The following ARHGAP35 variants were observed in gnomAD, a reference collection of about 807,000 sequenced individuals.
The protein encoded by ARHGAP35 is Rho GTPase activating protein 35, also known as rho GTPase-activating protein 35.
In ARHGAP35, 15 loss-of-function variants were observed where a neutral mutation model predicts 111.1. The ratio of observed to expected loss-of-function variants is 0.13; its 90% CI spans 0.09 to 0.21. ARHGAP35 has a LOEUF of 0.21. Ranked by LOEUF, ARHGAP35 falls within the 10% of genes least tolerant of loss-of-function variation. The pLI, the probability that ARHGAP35 is intolerant of heterozygous loss-of-function variation, is 1.00. For synonymous variants in ARHGAP35, 643 were observed against 710.3 expected (o/e 0.91, Z 1.51); for missense variants, 1,262 against 1,873.0 (o/e 0.67, Z 6.02).
chr19:46,929,059 C>T lies in ARHGAP35; in HGVS notation c.3681+6703C>T, dbSNP rs117007068. Among the ~76,000 whole-genome samples the T allele has an allele frequency of 3.4e-4, 52 of 152,098 alleles. No individual in the cohort carries two copies. The East Asian group carries it at 7.1e-3, about 21-fold the overall frequency. On this transcript the variant is annotated intron_variant, in intron 2 of 6. Transcript: ENST00000672722. ...GACTTTGTGGTCCTTCCTGTTCATC[C>T]GTAAATAAAGATGCTCCAAGATGGT...
intron 3 of ARHGAP35, chr19:46,949,170 A>G (rs1344605854): frequency 6.6e-6 from 1 of 152,206 alleles, no homozygotes; most frequent in Non-Finnish European, 1.5e-5. Context: ...AAAAAAAAAA[A>G]AATTATCAGA....
chr19:46,942,815 C>CAAAAAAAAAA, intron 3 of ARHGAP35, among the ~76,000 whole-genome samples: 1 of 42,290 alleles, frequency 2.4e-5, no homozygotes, highest in Non-Finnish European at 4.5e-5. Context: ...GACCCTGTCT[C>CAAAAAAAAAA]AGAAAAAAAA....
intron 1 of ARHGAP35, among the ~76,000 whole-genome samples, chr19:46,864,127 C>T (rs181034070): frequency 7.0e-4 from 107 of 152,294 alleles, no homozygotes; most frequent in African/African-American, 2.5e-3. Context: ...TTTGAGTGAC[C>T]TGATTGGGTA....
In ARHGAP35 at chr19:47,001,311, T is replaced by C. The variant is rs2056747344; in HGVS notation, c.*623T>C. ...ACCCAGAGAGTGTGGGACTCCCCGC[T>C]TCATCCCCACCGTCCCACTCCACAG... is the stretch of plus-strand genomic sequence containing the variant. On this transcript the variant is annotated 3_prime_UTR_variant, in exon 7 of 7. Coordinates refer to ENST00000672722, the MANE Select transcript of ARHGAP35 (RefSeq NM_004491.5). This position sits in a 1 kb window ranked among gnomAD's most constrained non-coding sequence, Gnocchi z 5.4. 1 of 1,290,256 alleles carries C rather than the reference T, an allele frequency of 7.8e-7. No individual in the cohort carries two copies. The highest frequency in any genetic ancestry group is 1.5e-5 in the African/African-American group (1 of 65,958). 79.9% of individuals were successfully genotyped at this position (1,290,256 alleles called of 1,614,324 possible).
chr19:46,894,480 C>G (rs539500923), intron 1 of ARHGAP35, among the ~76,000 whole-genome samples: 1 of 128,948 alleles, frequency 7.8e-6, no homozygotes, highest in Non-Finnish European at 1.6e-5. Context: ...CGGAGTCGCT[C>G]TGTTGCCCAG....
At chr19:46,897,475 A>T (rs1599805354) in intron 1 of ARHGAP35, among the ~76,000 whole-genome samples, 1 of 148,610 alleles carries the variant, frequency 6.7e-6, no homozygotes. Flanking sequence ...GACCTCCAAC[A>T]CTTTCTATTT....
chr19:46,888,293 TATATATATATATATATATATATATAA>T (rs1452808018), intron 1 of ARHGAP35, among the ~76,000 whole-genome samples: 1 of 62,720 alleles, frequency 1.6e-5, no homozygotes, highest in South Asian at 4.3e-4. Context: ...TATATATATA[TATATATATATATATATATATATATAA>T]AATATTGATT....
chr19:46,989,383 C>A lies in ARHGAP35; in HGVS notation c.3905-161C>A. On this transcript the variant is annotated intron_variant, in intron 4 of 6. Coordinates refer to ENST00000672722, the MANE Select transcript of ARHGAP35 (RefSeq NM_004491.5). This position sits in a 1 kb window ranked among gnomAD's most constrained non-coding sequence, Gnocchi z 5.3. ...GCCAGCCCATGCCTGAACCTCAGAA[C>A]TCGCGTTAGCGCTCACAAGTCCCAC... The A allele has an allele frequency of 1.1e-6, 1 of 871,870 alleles. No individual in the cohort carries two copies. Among genetic ancestry groups the A allele is most frequent in the Non-Finnish European group, 1.7e-6 (1 of 585,724 alleles). The allele number at this position is 871,870 out of a possible 1,614,324, so 54.0% of individuals were successfully genotyped here. A position where few individuals can be genotyped will look rare whatever the true frequency, so the allele number is the denominator to read the frequency against.
chr19:46,879,611 T>TAAATAAATAAATAAATAA (rs941223041), intron 1 of ARHGAP35, among the ~76,000 whole-genome samples: 5 of 77,764 alleles, frequency 6.4e-5, no homozygotes, highest in Non-Finnish European at 8.7e-5. Flanking sequence ...AATAAATAAA[T>TAAATAAATAAATAAATAA]AAATAAAAAT....
At chr19:46,867,510 A>T (rs886114430) in intron 1 of ARHGAP35, among the ~76,000 whole-genome samples, 39 of 152,128 alleles carry the variant, frequency 2.6e-4, no homozygotes, top group Non-Finnish European at 5.1e-4. Context: ...AATCATTTTC[A>T]TTTCTCTGGA....
In ARHGAP35 at chr19:46,993,361, G is replaced by A. The variant is rs2056689608; in HGVS notation, c.4036+3686G>A. ...CAGCAGGGACTTTCCTCCAGGCACC[G>A]AGCTGGCAGCAGCAGACCCAGGCCT... is the stretch of plus-strand genomic sequence containing the variant. On this transcript the variant is annotated intron_variant, in intron 5 of 6. Coordinates refer to ENST00000672722, the MANE Select transcript of ARHGAP35 (RefSeq NM_004491.5). The surrounding 1 kb of genome is among the most constrained non-coding windows in gnomAD (Gnocchi z 4.6). Among the ~76,000 whole-genome samples the A allele has an allele frequency of 1.3e-5, 2 of 152,348 alleles. No individual in the cohort carries two copies. The highest frequency in any genetic ancestry group is 4.1e-4 in the South Asian group (2 of 4,834).
At chr19:46,997,821 G>A (rs1388386410) in intron 5 of ARHGAP35, 1 of 152,314 alleles carries the variant, frequency 6.6e-6, no homozygotes, top group Non-Finnish European at 1.5e-5. Context: ...CTTGCTTCAG[G>A]GCTGGGCGCG....
intron 1 of ARHGAP35, among the ~76,000 whole-genome samples, chr19:46,891,185 G>A (rs2056021794): frequency 6.6e-6 from 1 of 152,128 alleles, no homozygotes; most frequent in Non-Finnish European, 1.5e-5. Flanking sequence ...CGCCCTCCAG[G>A]ACTTCTGCCA....
chr19:46,944,298 C>CAA (rs1198310783), intron 3 of ARHGAP35, among the ~76,000 whole-genome samples: 14 of 64,754 alleles, frequency 2.2e-4, no homozygotes, highest in African/African-American at 6.0e-4. Flanking sequence ...GACCCTGTCT[C>CAA]AAAAAAAAAA....
Position 46,901,584 on chromosome 19 carries a change from T to G in ARHGAP35, c.-188-16904T>G, listed in dbSNP as rs1445667353. On this transcript the variant is annotated intron_variant, in intron 1 of 6. Coordinates refer to ENST00000672722, the MANE Select transcript of ARHGAP35 (RefSeq NM_004491.5). The surrounding 1 kb of genome is among the most constrained non-coding windows in gnomAD (Gnocchi z 4.5). ...ACACAAAAAAAATGATCAAATCTGTTCTTTAAAAGATAACTTGCTGCTCTA... is the reference window on the plus strand; with the variant it reads ...ACACAAAAAAAATGATCAAATCTGTGCTTTAAAAGATAACTTGCTGCTCTA... 6.6e-6 allele frequency among the ~76,000 whole-genome samples: 1 copy of G among 152,092 alleles called. No individual in the cohort carries two copies. Among genetic ancestry groups the G allele is most frequent in the Non-Finnish European group, 1.5e-5 (1 of 68,014 alleles).
chr19:46,912,625 C>T (rs903030523), intron 1 of ARHGAP35, among the ~76,000 whole-genome samples: 4 of 151,936 alleles, frequency 2.6e-5, no homozygotes, highest in Non-Finnish European at 4.4e-5. Context: ...CAAAGTGTTG[C>T]GATTACAGGC....
At position 46,873,039 on chromosome 19, in the gene ARHGAP35, G is replaced by A. The variant is rs114192522; in HGVS notation, c.-189+11830G>A. 1.2e-3 allele frequency among the ~76,000 whole-genome samples: 181 copies of A among 152,262 alleles called. 2 individuals are homozygous for A. The highest frequency in any genetic ancestry group is 4.2e-3 in the African/African-American group (175 of 41,548). ...ACCTTCTAGGTGGGAAACCGAGGTT[G>A]CAGAGAGGGGACTTGCCCAAGGCCA... is the stretch of plus-strand genomic sequence containing the variant. On this transcript the variant is annotated intron_variant, in intron 1 of 6. Coordinates refer to ENST00000672722, the MANE Select transcript of ARHGAP35 (RefSeq NM_004491.5).
chr19:46,884,186 C>T (rs965285020), intron 1 of ARHGAP35, among the ~76,000 whole-genome samples: 1 of 152,174 alleles, frequency 6.6e-6, no homozygotes, highest in Admixed American at 6.6e-5. Flanking sequence ...TGGCTCACAT[C>T]TGTAATCCCA....
intron 1 of ARHGAP35, among the ~76,000 whole-genome samples, chr19:46,873,266 A>T (rs1814018301): frequency 6.6e-6 from 1 of 152,164 alleles, no homozygotes; most frequent in Admixed American, 6.6e-5. Context: ...TCCATGGTGG[A>T]TAGATAGAGC....
Sources: allele counts gnomAD v4.1 joint callset (sites outside exome capture counted in the v4.1 genomes callset), GRCh38; gene constraint gnomAD v4.1.1; non-coding constraint Gnocchi (gnomAD v3.1); transcripts MANE v1.5; gene names NCBI Gene and HGNC (gene_info 2026-07-23, HGNC 2026-07-21).